RNF213: variants seen among roughly 807,000 people sequenced by gnomAD.
The protein encoded by RNF213 is ring finger protein 213, also known as E3 ubiquitin-protein ligase RNF213.
In RNF213, 341 loss-of-function variants were observed where a neutral mutation model predicts 514.4. The ratio of observed to expected loss-of-function variants is 0.66; its 90% CI spans 0.61 to 0.73. RNF213 has a LOEUF of 0.73. RNF213 is among the 30% of genes least tolerant of loss of function. RNF213 has a pLI of 0.00. For synonymous variants in RNF213, 2,655 were observed against 2,658.2 expected (o/e 1.00, Z 0.04); for missense variants, 5,767 against 6,615.6 (o/e 0.87, Z 4.45).
chr17:80,328,419 G>T lies in RNF213; in HGVS notation c.3459G>T (p.Glu1153Asp), dbSNP rs1414930548. ...RREELLLLKK[E>D]KRCVDSLLKM... ...AGGAACTGTTACTTCTAAAGAAAGA[G>T]AAAAGATGTGTTGATAGTCTCCTGA... The change falls in exon 20 of 68, where the codon GAG (glutamate) becomes GAT (aspartate). Residue 1153 changes from glutamate to aspartate, a missense_variant. By Grantham distance (45) the Glu-to-Asp change is conservative. Transcript: ENST00000582970. 6.5e-7 allele frequency: 1 copy of T among 1,537,240 alleles called. No homozygotes were observed. The highest frequency in any genetic ancestry group is 2.4e-5 in the East Asian group (1 of 40,920).
intron 15 of RNF213, chr17:80,316,769 C>A (rs35429770): frequency 2.2e-5 from 7 of 319,516 alleles, no homozygotes; most frequent in Non-Finnish European, 3.1e-5. Flanking sequence ...GTGCAGAGTC[C>A]GAAGAGGGAG....
intron 2 of RNF213, among the ~76,000 whole-genome samples, chr17:80,272,571 G>C (rs568327969): frequency 6.6e-6 from 1 of 152,156 alleles, no homozygotes; most frequent in Non-Finnish European, 1.5e-5. Context: ...CAAGCCATTC[G>C]TGAGGGATTT....
chr17:80,383,084 G>A lies in RNF213; in HGVS notation c.14070+14G>A, dbSNP rs1193799931. On this transcript the variant is annotated intron_variant, in intron 58 of 67. Coordinates refer to ENST00000582970, the MANE Select transcript of RNF213 (RefSeq NM_001256071.3). ...CCTGAACTGGAGGTAAGCAGTAAGT[G>A]CTGACAGCTGGGTTGCTCCTCGGTC... is the stretch of plus-strand genomic sequence containing the variant. 35 of 1,589,328 alleles carry A rather than the reference G, an allele frequency of 2.2e-5. No homozygotes were observed. The highest frequency in any genetic ancestry group is 2.9e-5 in the Non-Finnish European group (33 of 1,157,700).
chr17:80,364,743 C>T (rs1310117617), intron 42 of RNF213, 190 bp downstream of exon 42: 6 of 652,674 alleles, frequency 9.2e-6, no homozygotes, highest in African/African-American at 1.8e-5. Context: ...ATTATTTACC[C>T]TCTGCTGATT....
At position 80,374,351 on chromosome 17, in the gene RNF213, G is replaced by A. The variant is rs898190698; in HGVS notation, c.12943-107G>A. 7 of 1,462,078 alleles carry A rather than the reference G, an allele frequency of 4.8e-6. No homozygotes were observed. The African/African-American group carries it at 8.4e-5, about 17-fold the overall frequency. The allele number at this position is 1,462,078 out of a possible 1,614,324, so 90.6% of individuals were successfully genotyped here. Reference sequence around the variant, plus strand: ...CAGGTCAGGGAATCCCAGCTTGGCTGCCTTTAAACCTCGAATGATCAACCA... The same window carrying A: ...CAGGTCAGGGAATCCCAGCTTGGCTACCTTTAAACCTCGAATGATCAACCA... On this transcript the variant is annotated intron_variant, in intron 49 of 67. Transcript: ENST00000582970.
chr17:80,354,016 C>T lies in RNF213; in HGVS notation c.10579-3C>T. The stretch of plus-strand genomic sequence containing the variant: ...CGGATGACCCAACCGTCTCCACCAA[C>T]AGGTGTCGATCCTGGACACCACCAG... On this transcript the variant is annotated splice_polypyrimidine_tract_variant and splice_region_variant and intron_variant, in intron 34 of 67. Transcript: ENST00000582970. 1 of 1,613,766 alleles carries T rather than the reference C, an allele frequency of 6.2e-7. No homozygotes were observed. Among genetic ancestry groups the T allele is most frequent in the African/African-American group, 1.3e-5 (1 of 75,062 alleles).
In RNF213 at chr17:80,364,487, A is replaced by G; in HGVS notation, c.11805A>G (p.Leu3935=). 3 of 1,614,124 alleles carry G rather than the reference A, an allele frequency of 1.9e-6. No homozygotes were observed. Among genetic ancestry groups the G allele is most frequent in the Non-Finnish European group, 2.5e-6 (3 of 1,180,012 alleles). ...STALFVEHVL[L]GTESRVPELQ... ...CACTCTTCGTGGAGCACGTGCTCCT[A>G]GGAACCGAGAGCCGCGTCCCCGAGT... Residue 3935 remains leucine (L), a synonymous_variant, in exon 42 of 68, where the codon CTA becomes CTG. Coordinates refer to ENST00000582970, the MANE Select transcript of RNF213 (RefSeq NM_001256071.3).
rs578234501 is a variant in RNF213 at position 80,373,180 on chromosome 17, C to T, written c.12942+15C>T. On this transcript the variant is annotated intron_variant, in intron 49 of 67. Transcript: ENST00000582970. ...TCAAGCAGCAGGTGAGAAGCGGGGCCGGGCAGCACACAAACATGCACCCCC... is the reference window on the plus strand; with the variant it reads ...TCAAGCAGCAGGTGAGAAGCGGGGCTGGGCAGCACACAAACATGCACCCCC... The T allele has an allele frequency of 1.6e-5, 25 of 1,602,768 alleles. No individual in the cohort carries two copies. Among genetic ancestry groups the T allele is most frequent in the Middle Eastern group, 2.2e-4 (1 of 4,582 alleles).
intron 12 of RNF213, among the ~76,000 whole-genome samples, chr17:80,306,686 C>G (rs1008925464): frequency 3.3e-5 from 5 of 151,974 alleles, no homozygotes; most frequent in South Asian, 4.2e-4. Context: ...CCCGTCTCTA[C>G]TAAAAATACA....
chr17:80,325,211 G>A lies in RNF213; in HGVS notation c.3193+13G>A. 2 of 1,522,380 alleles carry A rather than the reference G, an allele frequency of 1.3e-6. No homozygotes were observed. Among genetic ancestry groups the A allele is most frequent in the Non-Finnish European group, 1.8e-6 (2 of 1,136,230 alleles). 94.3% of individuals were successfully genotyped at this position (1,522,380 alleles called of 1,614,324 possible). Reference sequence around the variant, plus strand: ...TTCAGATTGTGTGGTATGTTTGCGGGAGTGCTGGGAACATCAGCTCAGGCA... The same window carrying A: ...TTCAGATTGTGTGGTATGTTTGCGGAAGTGCTGGGAACATCAGCTCAGGCA... On this transcript the variant is annotated intron_variant, in intron 18 of 67. Coordinates refer to ENST00000582970, the MANE Select transcript of RNF213 (RefSeq NM_001256071.3).
chr17:80,297,179 C>T (rs1247922850), intron 10 of RNF213, among the ~76,000 whole-genome samples: 11 of 150,644 alleles, frequency 7.3e-5, no homozygotes, highest in African/African-American at 2.2e-4. Context: ...GGGCCGGGCA[C>T]GGTGGCTCAC....
At chr17:80,376,615 C>G in intron 52 of RNF213, 72 bp downstream of exon 52, 2 of 1,603,392 alleles carry the variant, frequency 1.2e-6, no homozygotes, top group South Asian at 2.2e-5. Context: ...AGAGACCGAG[C>G]TGCAGCTGTG....
At chr17:80,315,723 GGTA>G in intron 15 of RNF213, 3 of 149,212 alleles carry the variant, frequency 2.0e-5, no homozygotes, top group Non-Finnish European at 2.9e-5. Flanking sequence ...TGATGGTGGA[GGTA>G]CTGGAGGTGA....
chr17:80,293,512 A>G (rs909343260), intron 8 of RNF213, among the ~76,000 whole-genome samples: 3 of 151,936 alleles, frequency 2.0e-5, no homozygotes, highest in African/African-American at 7.2e-5. Flanking sequence ...ATGCCATGGC[A>G]TTGATGGCTC....
At position 80,327,975 on chromosome 17, in the gene RNF213, A is replaced by G; in HGVS notation, c.3353A>G (p.Asp1118Gly). Residue 1118 changes from aspartate to glycine, a missense_variant, in exon 19 of 68, where the codon GAC becomes GGC. Around this residue, in one of 13 missense-constraint regions of RNF213, gnomAD observed 516 missense variants for 566.5 expected, o/e 0.91. Transcript: ENST00000582970. ...LIIKHKNQFL[D>G]IWQLREKSLS... ...ATAAAGCACAAGAATCAGTTTCTTGACATCTGGCAACTGAGTAAGCATCGA... is the reference window on the plus strand; with the variant it reads ...ATAAAGCACAAGAATCAGTTTCTTGGCATCTGGCAACTGAGTAAGCATCGA... 6.5e-7 allele frequency: 1 copy of G among 1,537,272 alleles called. No homozygotes were observed. The highest frequency in any genetic ancestry group is 1.2e-5 in the South Asian group (1 of 84,062).
In RNF213 at chr17:80,354,042, G is replaced by T. The variant is rs1568119242; in HGVS notation, c.10602G>T (p.Arg3534Ser). Residue 3534 changes from arginine to serine, a missense_variant, in exon 35 of 68, where the codon AGG becomes AGT. Around this residue, in one of 13 missense-constraint regions of RNF213, gnomAD observed 919 missense variants for 1,121.0 expected, o/e 0.82. Transcript: ENST00000582970. ...GSDVSILDTT[R>S]LLRSCVQSAV... is the part of the protein sequence containing the mutation. ...AGGTGTCGATCCTGGACACCACCAG[G>T]CTGCTGAGAAGCTGTGTGCAGAGCG... 1 of 1,613,926 alleles carries T rather than the reference G, an allele frequency of 6.2e-7. No individual in the cohort carries two copies. The highest frequency in any genetic ancestry group is 1.7e-5 in the Admixed American group (1 of 60,032).
At position 80,388,591 on chromosome 17, in the gene RNF213, CTTT is replaced by C. The variant is rs756409502; in HGVS notation, c.14923-17_14923-15del. On this transcript the variant is annotated intron_variant, in intron 63 of 67. Coordinates refer to ENST00000582970, the MANE Select transcript of RNF213 (RefSeq NM_001256071.3). ...CCACGATGGATTTAATTTTAAAAAA[CTTT>C]TTTCTTTCCCAATTTAGGGAATACC... 1 of 1,558,706 alleles carries C rather than the reference CTTT, an allele frequency of 6.4e-7. No homozygotes were observed. Among genetic ancestry groups the C allele is most frequent in the African/African-American group, 1.4e-5 (1 of 73,860 alleles).
intron 37 of RNF213, 50 bp from the exon 38 acceptor site, chr17:80,360,011 T>G (rs781631792): frequency 1.9e-6 from 3 of 1,601,080 alleles, no homozygotes; most frequent in Non-Finnish European, 2.6e-6. Context: ...TCTTGTGTTT[T>G]GAGTGACGTC....
In RNF213 at chr17:80,360,016, G is replaced by A. The variant is rs748228521; in HGVS notation, c.11055-45G>A. The A allele has an allele frequency of 3.4e-5, 55 of 1,605,206 alleles. No individual in the cohort carries two copies. In the South Asian group the frequency reaches 5.2e-4, roughly 15 times the overall value. On this transcript the variant is annotated intron_variant, in intron 37 of 67. Transcript: ENST00000582970. Reference sequence around the variant, plus strand: ...GCAGATCTTATCTTGTGTTTTGAGTGACGTCTCACAAACCCTCTTCTTATC... The same window carrying A: ...GCAGATCTTATCTTGTGTTTTGAGTAACGTCTCACAAACCCTCTTCTTATC...
Sources: gnomAD v4.1 joint callset for allele counts (sites outside exome capture counted in the v4.1 genomes callset) on GRCh38, gnomAD v4.1.1 for gene constraint, gnomAD v4.1.1 regional missense constraint, MANE v1.5 for transcripts, NCBI Gene and HGNC (gene_info 2026-07-23, HGNC 2026-07-21) for gene names.